The following HSPH1 variants were observed in gnomAD, a reference collection of about 807,000 sequenced individuals.
The protein encoded by HSPH1 is heat shock protein 105 kDa.
In HSPH1, 40 loss-of-function variants were observed where a neutral mutation model predicts 100.0. That is an observed-to-expected ratio of 0.40 (90% CI 0.31 to 0.52). The LOEUF (loss-of-function observed/expected upper bound fraction) is 0.52. Ranked by LOEUF, HSPH1 falls within the 20% of genes least tolerant of loss-of-function variation. HSPH1 has a pLI of 0.54. For missense variants in HSPH1, 876 were observed against 1,015.1 expected (o/e 0.86, Z 1.86); for synonymous variants, 403 against 344.0 (o/e 1.17, Z -1.90).
At chr13:31,142,427 G>A (rs1319246212) in intron 12 of HSPH1, among the ~76,000 whole-genome samples, 1 of 152,006 alleles carries the variant, frequency 6.6e-6, no homozygotes, top group Non-Finnish European at 1.5e-5. Flanking sequence ...TTTCCTGCTA[G>A]TGCACACAAT....
rs375675168 is a variant in HSPH1 at position 31,145,566 on chromosome 13, A to T, written c.1581T>A (p.Thr527=). ...LNQRPPENPD[T]DKNVQQDNSE... Reference sequence around the variant, plus strand: ...AAAGGTTTATCCACAAACTTACATCAGTGTCTGGGTTTTCTGGTGGTCTCT... The same window carrying T: ...AAAGGTTTATCCACAAACTTACATCTGTGTCTGGGTTTTCTGGTGGTCTCT... The change falls in exon 11 of 18, where the codon ACT becomes ACA. Residue 527 remains threonine (T), a synonymous_variant. Transcript: ENST00000320027. The T allele has an allele frequency of 1.9e-5, 31 of 1,612,258 alleles. No homozygotes were observed. Among genetic ancestry groups the T allele is most frequent in the Non-Finnish European group, 2.5e-5 (30 of 1,178,966 alleles).
At chr13:31,151,282 T>A in intron 6 of HSPH1, 91 bp from the exon 7 acceptor site, 1 of 1,026,272 alleles carries the variant, frequency 9.7e-7, no homozygotes, top group Non-Finnish European at 1.4e-6. Context: ...AATGAAAGAC[T>A]AAGAGACTCA....
At chr13:31,161,961 G>T, upstream of HSPH1, 7 of 1,536,036 alleles carry the variant, frequency 4.6e-6, no homozygotes, top group Non-Finnish European at 6.1e-6. Context: ...GAACTTTCCA[G>T]AATCTGCGGC....
At chr13:31,140,008 G>A (rs1475619163) in intron 14 of HSPH1, among the ~76,000 whole-genome samples, 176 bp downstream of exon 14, 1 of 152,006 alleles carries the variant, frequency 6.6e-6, no homozygotes, top group African/African-American at 2.4e-5. Flanking sequence ...TTTGGGGGTA[G>A]GCTAGTACAA....
At position 31,135,192 on chromosome 13, in the gene HSPH1, G is replaced by A. The variant is rs553827598; in HGVS notation, c.*2126C>T. ...AATACTTTTGCCCGCATCCAAAAGC[G>A]CAGTACACTGATTTAGGCCAGACTG... is the stretch of plus-strand genomic sequence containing the variant. On this transcript the variant is annotated 3_prime_UTR_variant, in exon 18 of 18. Coordinates refer to ENST00000320027, the MANE Select transcript of HSPH1 (RefSeq NM_006644.4). The A allele has an allele frequency of 7.9e-5, 12 of 152,284 alleles. No individual in the cohort carries two copies. The highest frequency in any genetic ancestry group is 2.2e-4 in the African/African-American group (9 of 41,560). 9.4% of individuals were successfully genotyped at this position (152,284 alleles called of 1,614,324 possible).
rs113403914 is a variant in HSPH1 at position 31,161,273 on chromosome 13, G to A, written c.107+203C>T. 4.6e-3 allele frequency among the ~76,000 whole-genome samples: 699 copies of A among 152,224 alleles called. 9 individuals carry two copies. Among genetic ancestry groups the A allele is most frequent in the African/African-American group, 0.016 (661 of 41,538 alleles). On this transcript the variant is annotated intron_variant, in intron 1 of 17. Coordinates refer to ENST00000320027, the MANE Select transcript of HSPH1 (RefSeq NM_006644.4). ...TCCTCTCACCCCCGTGAATCCCTGA[G>A]ACAATCCCTTCTCCAATTTGTGATG...
intron 2 of HSPH1, 120 bp from the exon 3 acceptor site, chr13:31,155,774 G>T: frequency 3.2e-6 from 2 of 631,590 alleles, no homozygotes; most frequent in Non-Finnish European, 5.1e-6. Context: ...CACATAAGTT[G>T]CCCTGAGGCC....
At chr13:31,155,934 T>C (rs561246550) in intron 2 of HSPH1, among the ~76,000 whole-genome samples, 16 of 152,348 alleles carry the variant, frequency 1.1e-4, no homozygotes, top group African/African-American at 3.6e-4. Flanking sequence ...ATCTGCAAGA[T>C]AAACTCAAAG....
upstream of HSPH1, chr13:31,162,330 G>A (rs1437485892): frequency 3.4e-6 from 2 of 580,782 alleles, no homozygotes; most frequent in African/African-American, 3.7e-5. Flanking sequence ...GGATGGTGGG[G>A]AGGCCGGCCA....
intron 16 of HSPH1, 32 bp downstream of exon 16, chr13:31,138,749 C>A (rs201381616): frequency 7.6e-6 from 12 of 1,585,332 alleles, no homozygotes; most frequent in Middle Eastern, 1.7e-4. Context: ...TCTAGGTTAA[C>A]TTCCTCCCTA....
At chr13:31,148,710 CAATT>C (rs1753547025) in intron 8 of HSPH1, among the ~76,000 whole-genome samples, 2 of 151,908 alleles carry the variant, frequency 1.3e-5, no homozygotes, top group East Asian at 3.9e-4. Flanking sequence ...AGGATAACGA[CAATT>C]AATCAATAAC....
At chr13:31,153,095 G>A (rs780067902) in intron 4 of HSPH1, 144 bp from the exon 5 acceptor site, 39 of 581,164 alleles carry the variant, frequency 6.7e-5, no homozygotes, top group Non-Finnish European at 1.1e-4. Context: ...TTAGTTTTCT[G>A]CAAGCTCCTT....
At position 31,137,078 on chromosome 13, in the gene HSPH1, G is replaced by C. The variant is rs778632415; in HGVS notation, c.*240C>G. On this transcript the variant is annotated 3_prime_UTR_variant, in exon 18 of 18. Transcript: ENST00000320027. ...CCTCAGTGATGCAAATGGTGAGACT[G>C]CACAGAAAGCTTAGTATGAATTCAC... 4.5e-6 allele frequency: 3 copies of C among 666,976 alleles called. No homozygotes were observed. The highest frequency in any genetic ancestry group is 1.9e-5 in the Admixed American group (1 of 51,560). The allele number at this position is 666,976 out of a possible 1,614,324, so 41.3% of individuals were successfully genotyped here.
At chr13:31,145,529 CTA>C in intron 11 of HSPH1, 32 bp downstream of exon 11, 1 of 1,546,940 alleles carries the variant, frequency 6.5e-7, no homozygotes, top group Non-Finnish European at 8.9e-7. Context: ...TAAGTCAACT[CTA>C]TTCAAACACA....
At chr13:31,161,294 T>C (rs1275348971) in intron 1 of HSPH1, among the ~76,000 whole-genome samples, 182 bp downstream of exon 1, 1 of 152,144 alleles carries the variant, frequency 6.6e-6, no homozygotes, top group Non-Finnish European at 1.5e-5. Context: ...CTCCAATTTG[T>C]GATGGCAAGC....
At chr13:31,161,958 C>A (rs1428994287), upstream of HSPH1, 1 of 1,536,000 alleles carries the variant, frequency 6.5e-7, no homozygotes, top group Non-Finnish European at 8.7e-7. Context: ...TCAGAACTTT[C>A]CAGAATCTGC....
At chr13:31,152,723 A>T (rs762957053) in intron 5 of HSPH1, 129 bp downstream of exon 5, 2 of 636,530 alleles carry the variant, frequency 3.1e-6, no homozygotes, top group Non-Finnish European at 2.8e-6. Flanking sequence ...TAAGAGGTAG[A>T]CTTTTGTTTT....
rs774474904 is a variant in HSPH1 at position 31,154,661 on chromosome 13, T to C, written c.401A>G (p.Lys134Arg). 2 of 1,614,146 alleles carry C rather than the reference T, an allele frequency of 1.2e-6. No homozygotes were observed. The highest frequency in any genetic ancestry group is 1.7e-6 in the Non-Finnish European group (2 of 1,179,986). ...AATAACACAATCTGTTACTGGTTTC[T>C]TGAGGCTGTTTTCAGCAGTTTCCTT... ...KLKETAENSL[K>R]KPVTDCVISV... Residue 134 changes from lysine (K) to arginine (R), a missense_variant, in exon 4 of 18, where the codon AAG becomes AGG. Transcript: ENST00000320027.
rs1198378558 is a variant in HSPH1, at chr13:31,155,999, TTTCA to T, written c.166-349_166-346del. ...CAAACACACTAGAATTTTATCACTG[TTTCA>T]TTCCTTTTTTTCCCTGCTAAACTTG... On this transcript the variant is annotated intron_variant, in intron 2 of 17. Coordinates refer to ENST00000320027, the MANE Select transcript of HSPH1 (RefSeq NM_006644.4). 3.3e-5 allele frequency among the ~76,000 whole-genome samples: 5 copies of T among 152,348 alleles called. 1 individual carries two copies. The East Asian group carries it at 7.7e-4, about 23-fold the overall frequency.
Sources: gnomAD v4.1 joint callset for allele counts (sites outside exome capture counted in the v4.1 genomes callset) on GRCh38, gnomAD v4.1.1 for gene constraint, MANE v1.5 for transcripts, NCBI Gene and HGNC (gene_info 2026-07-23, HGNC 2026-07-21) for gene names.